The following CR1 variants were observed in gnomAD, a reference collection of about 807,000 sequenced individuals.
CR1 encodes complement C3b/C4b receptor 1 (Knops blood group).
A neutral mutation model predicts 187.3 loss-of-function variants in CR1; 116 were observed. The observed-to-expected ratio is 0.62, with a 90% CI of 0.53 to 0.72. CR1 has a LOEUF of 0.72. CR1 is among the 30% of genes least tolerant of loss of function. The pLI is 0.00. For missense variants in CR1, 1,731 were observed against 2,110.7 expected, an observed-to-expected ratio of 0.82 and a Z score of 3.52; for synonymous variants, 576 against 747.1, an observed-to-expected ratio of 0.77 and a Z score of 3.73.
At chr1:207,613,196 C>T (rs367553423) in intron 39 of CR1, among the ~76,000 whole-genome samples, 5 of 152,190 alleles carry the variant, frequency 3.3e-5, no homozygotes, top group East Asian at 1.9e-4. Context: ...TATTGAGTGA[C>T]AAAACAGCTT....
intron 35 of CR1, among the ~76,000 whole-genome samples, chr1:207,600,215 G>A (rs1017844452): frequency 6.6e-6 from 1 of 152,128 alleles, no homozygotes; most frequent in African/African-American, 2.4e-5. Flanking sequence ...TGAAGGGATT[G>A]AGAGCATTAT....
rs566717082 is a variant in CR1, at chr1:207,496,317, C to G, written c.50C>G (p.Pro17Arg). 12 of 1,613,650 alleles carry G rather than the reference C, an allele frequency of 7.4e-6. No individual in the cohort carries two copies. In the Admixed American group the frequency reaches 1.0e-4, roughly 13 times the overall value. ...CCGGAGCCTGTCGGGCCGCCGGCGC[C>G]CGGTCTCCCCTTCTGCTGCGGAGGA... ...RSPEPVGPPA[P>R]GLPFCCGGSL... is the part of the protein sequence containing the mutation. The change falls in exon 1 of 47, where the codon CCC (proline) becomes CGC (arginine). Residue 17 changes from proline to arginine, a missense_variant. Physicochemically the swap from Pro to Arg is moderately radical, Grantham distance 103. Coordinates refer to ENST00000367049, the MANE Select transcript of CR1 (RefSeq NM_000651.6).
chr1:207,502,841 G>T (rs1028117500), intron 1 of CR1, among the ~76,000 whole-genome samples: 1 of 152,170 alleles, frequency 6.6e-6, no homozygotes, highest in Non-Finnish European at 1.5e-5. Context: ...CTCTCTGTCC[G>T]GGGTCCCGTG....
chr1:207,633,707 A>T (rs1471421076), intron 46 of CR1, among the ~76,000 whole-genome samples: 2 of 152,206 alleles, frequency 1.3e-5, no homozygotes, highest in Admixed American at 1.3e-4. Context: ...CAAATGAGAA[A>T]TGTTCAGTAA....
intron 31 of CR1, among the ~76,000 whole-genome samples, chr1:207,581,370 G>A (rs139741402): frequency 1.1e-4 from 14 of 132,234 alleles, no homozygotes; most frequent in African/African-American, 2.7e-4. Flanking sequence ...ATATGTATAC[G>A]TATATGTATA....
intron 46 of CR1, among the ~76,000 whole-genome samples, chr1:207,638,761 T>C (rs995977969): frequency 1.3e-5 from 2 of 152,208 alleles, no homozygotes; most frequent in Non-Finnish European, 2.9e-5. Flanking sequence ...ACCACATCAG[T>C]ACGAATTTGA....
intron 32 of CR1, among the ~76,000 whole-genome samples, chr1:207,582,433 T>C (rs1375044673): frequency 2.0e-5 from 3 of 152,226 alleles, no homozygotes; most frequent in African/African-American, 7.2e-5. Flanking sequence ...ACTGGGGATA[T>C]ACCTATAAAC....
At chr1:207,516,211 T>A (rs1659804886) in intron 4 of CR1, among the ~76,000 whole-genome samples, 1 of 152,148 alleles carries the variant, frequency 6.6e-6, no homozygotes, top group Non-Finnish European at 1.5e-5. Context: ...GACAAAGCCC[T>A]GTTTCTTATG....
intron 46 of CR1, among the ~76,000 whole-genome samples, chr1:207,635,368 C>T (rs896311317): frequency 3.9e-5 from 6 of 152,062 alleles, no homozygotes; most frequent in Non-Finnish European, 8.8e-5. Flanking sequence ...CAGGTAAACA[C>T]GTGAACAAAG....
chr1:207,497,410 G>A (rs1459058494), intron 1 of CR1, among the ~76,000 whole-genome samples: 2 of 152,104 alleles, frequency 1.3e-5, no homozygotes, highest in African/African-American at 4.8e-5. Context: ...GACAGTCTTG[G>A]TTGTTTTTGT....
intron 1 of CR1, among the ~76,000 whole-genome samples, chr1:207,503,079 C>T (rs769600475): frequency 1.4e-4 from 22 of 152,288 alleles, no homozygotes; most frequent in Non-Finnish European, 2.6e-4. Context: ...TTAGAAGTCC[C>T]CTTACCCTTT....
intron 1 of CR1, among the ~76,000 whole-genome samples, chr1:207,504,090 T>C (rs1231577680): frequency 6.6e-6 from 1 of 152,148 alleles, no homozygotes; most frequent in Non-Finnish European, 1.5e-5. Flanking sequence ...GGGAAAGGCA[T>C]TAAATTTGTG....
chr1:207,583,804 C>G (rs1444399957), intron 32 of CR1, among the ~76,000 whole-genome samples: 2 of 152,060 alleles, frequency 1.3e-5, no homozygotes, highest in Non-Finnish European at 2.9e-5. Flanking sequence ...AGAAAATACC[C>G]TCATGAACCC....
Position 207,592,675 on chromosome 1 carries a change from TG to T in CR1, c.5810+3902del, listed in dbSNP as rs369149730. Among the ~76,000 whole-genome samples, 353 of 152,304 alleles carry T rather than the reference TG, an allele frequency of 2.3e-3. 3 individuals are homozygous for T. The highest frequency in any genetic ancestry group is 8.2e-3 in the African/African-American group (341 of 41,558). On this transcript the variant is annotated intron_variant, in intron 35 of 46. Coordinates refer to ENST00000367049, the MANE Select transcript of CR1 (RefSeq NM_000651.6). ...AAATTGTCTCTGTTTGCATATGACATGACTGTATATTTAGAAAACCCCATTA... is the reference window on the plus strand; with the variant it reads ...AAATTGTCTCTGTTTGCATATGACATACTGTATATTTAGAAAACCCCATTA...
rs368505184 is a variant in CR1 at position 207,607,287 on chromosome 1, C to T, written c.5847C>T (p.Leu1949=). The stretch of plus-strand genomic sequence containing the variant: ...TTGGTTCCCCATCTACTACTTGTCT[C>T]GTCTCAGGCAATAATGTCACATGGG... ...RLIGSPSTTC[L]VSGNNVTWDK... The change falls in exon 36 of 47, where the codon CTC becomes CTT. Residue 1949 remains leucine (L), a synonymous_variant. Transcript: ENST00000367049. 13 of 1,613,468 alleles carry T rather than the reference C, an allele frequency of 8.1e-6. No individual in the cohort carries two copies. The highest frequency in any genetic ancestry group is 6.7e-5 in the African/African-American group (5 of 74,888).
rs1372211623 is a variant in CR1 at position 207,640,329 on chromosome 1, G to A, written c.*920G>A. On this transcript the variant is annotated 3_prime_UTR_variant, in exon 47 of 47. Coordinates refer to ENST00000367049, the MANE Select transcript of CR1 (RefSeq NM_000651.6). Reference sequence around the variant, plus strand: ...TTTTTGTATTTTTAGTAGAGACGGGGTTTCACCATGTTAGCCAGGATGGTC... The same window carrying A: ...TTTTTGTATTTTTAGTAGAGACGGGATTTCACCATGTTAGCCAGGATGGTC... 2.0e-5 allele frequency: 3 copies of A among 152,118 alleles called. No individual in the cohort carries two copies. Among genetic ancestry groups the A allele is most frequent in the African/African-American group, 4.8e-5 (2 of 41,384 alleles). 9.4% of individuals were successfully genotyped at this position (152,118 alleles called of 1,614,324 possible).
chr1:207,504,822 T>C (rs1659379717), intron 1 of CR1, among the ~76,000 whole-genome samples: 1 of 152,196 alleles, frequency 6.6e-6, no homozygotes, highest in Admixed American at 6.5e-5. Flanking sequence ...CCTCAACCCC[T>C]GGGCCATAGA....
intron 3 of CR1, chr1:207,507,062 A>C (rs1201454624): frequency 1.5e-5 from 6 of 400,924 alleles, no homozygotes; most frequent in African/African-American, 1.2e-4. Context: ...TTGGGTGGGA[A>C]GGAAGAAAAT....
In CR1 at chr1:207,634,375, G is replaced by A. The variant is rs569897329; in HGVS notation, c.7457+3754G>A. On this transcript the variant is annotated intron_variant, in intron 46 of 46. Transcript: ENST00000367049. ...TAGAATTTTGACCACAGTGTTCCAT[G>A]GGAACAAAGTGAATCATCTGTGGCA... is the stretch of plus-strand genomic sequence containing the variant. Among the ~76,000 whole-genome samples, 9 of 152,230 alleles carry A rather than the reference G, an allele frequency of 5.9e-5. No individual in the cohort carries two copies. In the South Asian group the frequency reaches 1.9e-3, roughly 32 times the overall value.
Sources: allele counts gnomAD v4.1 joint callset (sites outside exome capture counted in the v4.1 genomes callset), GRCh38; gene constraint gnomAD v4.1.1; transcripts MANE v1.5; gene names NCBI Gene and HGNC (gene_info 2026-07-23, HGNC 2026-07-21).